GLB1: variants seen among roughly 807,000 people sequenced by gnomAD.
GLB1 encodes the protein beta-galactosidase.
In GLB1, 56 loss-of-function variants were observed where a neutral mutation model predicts 74.0. The ratio of observed to expected loss-of-function variants is 0.76; its 90% CI spans 0.61 to 0.94. GLB1 has a LOEUF of 0.94. Among genes scored for constraint, GLB1 ranks in the 40% least tolerant of loss-of-function variants. GLB1 has a pLI of 0.00. For missense variants in GLB1, 787 were observed against 845.5 expected (o/e 0.93, Z 0.86); for synonymous variants, 323 against 323.6 (o/e 1.00, Z 0.02).
intron 1 of GLB1, chr3:33,077,060 TAA>T: frequency 2.9e-6 from 3 of 1,021,176 alleles, no homozygotes; most frequent in South Asian, 1.7e-5. Flanking sequence ...CCTGTCTCTA[TAA>T]AAAAAAAAAT....
the GLB1 span, among the ~76,000 whole-genome samples, chr3:32,966,260 G>C: frequency 2.6e-5 from 4 of 152,234 alleles, no homozygotes; most frequent in African/African-American, 7.2e-5. Flanking sequence ...CAGGGGCGGA[G>C]CTTCCCAAGG....
intron 15 of GLB1, among the ~76,000 whole-genome samples, chr3:33,009,779 C>T (rs908428947): frequency 1.3e-5 from 2 of 152,252 alleles, no homozygotes; most frequent in Non-Finnish European, 2.9e-5. Context: ...GCTCCATTCC[C>T]ACCCTCAGCC....
chr3:33,049,951 A>G (rs940401725), intron 9 of GLB1, among the ~76,000 whole-genome samples: 6 of 152,208 alleles, frequency 3.9e-5, no homozygotes, highest in Non-Finnish European at 8.8e-5. Context: ...TCAAAGGAGA[A>G]ACTTCATTAA....
chr3:33,025,813 A>G (rs1697722414), intron 10 of GLB1, among the ~76,000 whole-genome samples: 2 of 152,198 alleles, frequency 1.3e-5, no homozygotes, highest in Non-Finnish European at 2.9e-5. Flanking sequence ...TCCCCGAGGC[A>G]GCTGACTGTG....
At chr3:32,985,104 C>CAA in the GLB1 span, among the ~76,000 whole-genome samples, 50 of 61,842 alleles carry the variant, frequency 8.1e-4, no homozygotes, top group South Asian at 2.1e-3. Context: ...AACTCTGTCT[C>CAA]AAAAAAAAAA....
At chr3:33,021,486 A>G (rs953303066) in intron 12 of GLB1, 80 bp downstream of exon 12, 32 of 1,489,118 alleles carry the variant, frequency 2.1e-5, no homozygotes, top group Non-Finnish European at 2.8e-5. Context: ...CCCTGAATTC[A>G]GAATGGGCAC....
intron 10 of GLB1, among the ~76,000 whole-genome samples, chr3:33,043,902 T>C (rs9868815): frequency 0.028 from 2,884 of 101,546 alleles, 108 homozygotes; most frequent in African/African-American, 0.093. Flanking sequence ...TAGAGGGTTA[T>C]ATAATCCCTT....
At chr3:33,044,122 A>G (rs1034209420) in intron 10 of GLB1, among the ~76,000 whole-genome samples, 6 of 152,222 alleles carry the variant, frequency 3.9e-5, no homozygotes, top group Admixed American at 3.9e-4. Context: ...ATAGTCAACA[A>G]CTGTAAAATA....
chr3:33,045,351 G>A (rs1698697978), intron 10 of GLB1: 1 of 983,278 alleles, frequency 1.0e-6, no homozygotes, highest in South Asian at 4.7e-5. Context: ...GTACAAGTCT[G>A]TGAGGTAAGT....
chr3:33,094,084 T>G (rs894531824), intron 1 of GLB1: 7 of 1,614,266 alleles, frequency 4.3e-6, no homozygotes, highest in Non-Finnish European at 5.1e-6. Flanking sequence ...CGCCAGGCCC[T>G]GAGCTCAAGG....
intron 10 of GLB1, chr3:33,045,264 A>C (rs1355342087): frequency 1.3e-6 from 1 of 794,230 alleles, no homozygotes; most frequent in East Asian, 1.3e-4. Context: ...TTTTAGGTAA[A>C]TAAATAATTA....
At chr3:32,961,556 G>A in the GLB1 span, among the ~76,000 whole-genome samples, 4 of 152,320 alleles carry the variant, frequency 2.6e-5, no homozygotes, top group Admixed American at 2.6e-4. Context: ...TGTGGCAGCA[G>A]AAAAGAAGAG....
intron 15 of GLB1, among the ~76,000 whole-genome samples, chr3:33,001,672 G>A (rs909217700): frequency 2.6e-5 from 4 of 152,180 alleles, no homozygotes; most frequent in African/African-American, 9.7e-5. Flanking sequence ...TGTTTGAGGC[G>A]AGATTCTCCG....
chr3:33,051,841 T>C, intron 8 of GLB1, 42 bp downstream of exon 8: 1 of 1,614,184 alleles, frequency 6.2e-7, no homozygotes, highest in Non-Finnish European at 8.5e-7. Context: ...TGTGAGCCCA[T>C]GGCTACTGAG....
Position 33,016,822 on chromosome 3 carries a change from C to G in GLB1, c.1366G>C (p.Glu456Gln). ...AVDGIPQGVL[E>Q]RNNVITLNIT... ...TTCAGAGTGATCACATTGTTTCGCT[C>G]AAGGACTCCCTGGGGGATCTGTGGG... Residue 456 changes from glutamate to glutamine, a missense_variant, in exon 14 of 16, where the codon GAG (glutamate) becomes CAG (glutamine). Coordinates refer to ENST00000307363, the MANE Select transcript of GLB1 (RefSeq NM_000404.4). The G allele has an allele frequency of 6.2e-7, 1 of 1,614,062 alleles. No individual in the cohort carries two copies. Among genetic ancestry groups the G allele is most frequent in the South Asian group, 1.1e-5 (1 of 91,064 alleles).
At chr3:32,981,083 T>A in the GLB1 span, among the ~76,000 whole-genome samples, 1 of 83,938 alleles carries the variant, frequency 1.2e-5, no homozygotes, top group Non-Finnish European at 2.1e-5. Flanking sequence ...AAAGCGAGAC[T>A]CCGTCTCAAA....
At chr3:33,081,886 G>A (rs970551417) in intron 1 of GLB1, among the ~76,000 whole-genome samples, 1 of 152,206 alleles carries the variant, frequency 6.6e-6, no homozygotes, top group African/African-American at 2.4e-5. Flanking sequence ...GCAAAAGGCT[G>A]ATGTCAACAA....
At chr3:33,034,496 G>A in intron 10 of GLB1, 1 of 735,508 alleles carries the variant, frequency 1.4e-6, no homozygotes, top group Non-Finnish European at 2.5e-6. Flanking sequence ...TTGAGATGTG[G>A]CCTGGGCCCC....
At chr3:32,985,276 T>A in the GLB1 span, among the ~76,000 whole-genome samples, 2 of 152,094 alleles carry the variant, frequency 1.3e-5, no homozygotes, top group Non-Finnish European at 2.9e-5. Context: ...TTAGAATTGT[T>A]GTAACTTTAT....
Sources: allele counts gnomAD v4.1 joint callset (sites outside exome capture counted in the v4.1 genomes callset), GRCh38; gene constraint gnomAD v4.1.1; transcripts MANE v1.5; gene names NCBI Gene and HGNC (gene_info 2026-07-23, HGNC 2026-07-21).